The following ITGAE variants were observed in gnomAD, a reference collection of about 807,000 sequenced individuals.
The protein encoded by ITGAE is integrin alpha-E.
A neutral mutation model predicts 136.5 loss-of-function variants in ITGAE; 99 were observed. That is an observed-to-expected ratio of 0.73 (90% CI 0.62 to 0.86). The LOEUF (loss-of-function observed/expected upper bound fraction) is 0.86, where lower values mean the gene tolerates loss of function less well. ITGAE is among the 40% of genes least tolerant of loss of function. The pLI, the probability that ITGAE is intolerant of heterozygous loss-of-function variation, is 0.00. For missense variants in ITGAE, 1,447 were observed against 1,515.3 expected, an observed-to-expected ratio of 0.95 and a Z score of 0.75; for synonymous variants, 613 against 591.8, an observed-to-expected ratio of 1.04 and a Z score of -0.52.
intron 17 of ITGAE, among the ~76,000 whole-genome samples, chr17:3,746,167 T>C (rs1209525039): frequency 1.3e-5 from 2 of 152,216 alleles, no homozygotes; most frequent in Admixed American, 6.5e-5. Context: ...TTCCCAGGAC[T>C]GAGTCAGCCT....
chr17:3,799,702 C>A lies in ITGAE; in HGVS notation c.34+1409G>T, dbSNP rs1157048436. On this transcript the variant is annotated intron_variant, in intron 1 of 30. Coordinates refer to ENST00000263087, the MANE Select transcript of ITGAE (RefSeq NM_002208.5). The surrounding 1 kb of genome is among the most constrained non-coding windows in gnomAD (Gnocchi z 4.1). ...GGTAATGGGAGATCAAAGCCACAAG[C>A]CATAAAAAGAGTGAGACTCTCTCCA... Among the ~76,000 whole-genome samples the A allele has an allele frequency of 1.3e-5, 2 of 151,992 alleles. No individual in the cohort carries two copies. Among genetic ancestry groups the A allele is most frequent in the Non-Finnish European group, 2.9e-5 (2 of 67,998 alleles).
chr17:3,766,378 G>A (rs1164414382), intron 2 of ITGAE, among the ~76,000 whole-genome samples: 6 of 152,244 alleles, frequency 3.9e-5, no homozygotes, highest in East Asian at 1.9e-4. Flanking sequence ...GGAGGAGCCC[G>A]TCAGCCAAGG....
chr17:3,720,676 A>AAACGG (rs755010825), intron 28 of ITGAE: 8 of 250,742 alleles, frequency 3.2e-5, no homozygotes, highest in Non-Finnish European at 5.4e-5. Flanking sequence ...CCACCCCGTC[A>AAACGG]GGTTCAAGCG....
chr17:3,724,245 C>G, intron 26 of ITGAE: 1 of 1,592,770 alleles, frequency 6.3e-7, no homozygotes, highest in Non-Finnish European at 8.5e-7. Context: ...CTGGAAGCTG[C>G]GAGCTCGCCC....
chr17:3,777,008 T>G lies in ITGAE; in HGVS notation c.155+532A>C, dbSNP rs530336463. Among the ~76,000 whole-genome samples, 22 of 150,250 alleles carry G rather than the reference T, an allele frequency of 1.5e-4. No individual in the cohort carries two copies. The South Asian group carries it at 2.5e-3, about 17-fold the overall frequency. Reference sequence around the variant, plus strand: ...CGGAGTCTCGCTCTGTCGCCCAGGCTGGAGTGCAGTGGCGCCATCTCGGTT... The same window carrying G: ...CGGAGTCTCGCTCTGTCGCCCAGGCGGGAGTGCAGTGGCGCCATCTCGGTT... On this transcript the variant is annotated intron_variant, in intron 2 of 30. Coordinates refer to ENST00000263087, the MANE Select transcript of ITGAE (RefSeq NM_002208.5).
rs1240303686 is a variant in ITGAE at position 3,755,096 on chromosome 17, ATCAGG to A, written c.1384+16_1384+20del. The A allele has an allele frequency of 1.3e-6, 2 of 1,554,968 alleles. No individual in the cohort carries two copies. Among genetic ancestry groups the A allele is most frequent in the South Asian group, 2.3e-5 (2 of 86,502 alleles). ...GCCCTCATCAGGTGGCCCCGCCCTC[ATCAGG>A]TGGCCCCGCCCTCACCCAGGTAGCT... On this transcript the variant is annotated intron_variant, in intron 12 of 30. Coordinates refer to ENST00000263087, the MANE Select transcript of ITGAE (RefSeq NM_002208.5).
chr17:3,786,687 T>C (rs1567558272), intron 1 of ITGAE, among the ~76,000 whole-genome samples: 1 of 151,984 alleles, frequency 6.6e-6, no homozygotes, highest in Non-Finnish European at 1.5e-5. Context: ...GTCAAGAGAT[T>C]GAGACTATCC....
At chr17:3,780,813 G>A (rs755882011) in intron 1 of ITGAE, among the ~76,000 whole-genome samples, 1 of 152,014 alleles carries the variant, frequency 6.6e-6, no homozygotes, top group Admixed American at 6.6e-5. Context: ...CCATCCTCCC[G>A]CCTCAGCCTC....
intron 1 of ITGAE, among the ~76,000 whole-genome samples, chr17:3,797,157 ATTTTTTTTTTTTTTT>A (rs56101818): frequency 1.1e-4 from 10 of 94,436 alleles, no homozygotes; most frequent in Admixed American, 5.0e-4. Context: ...ATATATATAT[ATTTTTTTTTTTTTTT>A]TTTTTTTTTT....
At chr17:3,782,827 A>G (rs1394372876) in intron 1 of ITGAE, among the ~76,000 whole-genome samples, 4 of 152,200 alleles carry the variant, frequency 2.6e-5, no homozygotes, top group African/African-American at 9.7e-5. Flanking sequence ...CTCTAAATAC[A>G]CTGAGTAAAC....
intron 2 of ITGAE, among the ~76,000 whole-genome samples, chr17:3,765,409 G>A (rs1323453226): frequency 7.1e-6 from 1 of 140,622 alleles, no homozygotes; most frequent in Non-Finnish European, 1.5e-5. Flanking sequence ...ACAGACTAAA[G>A]AGCACAGGAA....
intron 26 of ITGAE, chr17:3,725,966 C>T (rs375316556): frequency 2.5e-6 from 4 of 1,613,696 alleles, no homozygotes; most frequent in African/African-American, 2.7e-5. Context: ...GCACTATCCC[C>T]AGCTGTGGGT....
At position 3,755,913 on chromosome 17, in the gene ITGAE, C is replaced by G; in HGVS notation, c.1172-16G>C. The G allele has an allele frequency of 6.3e-7, 1 of 1,585,972 alleles. No individual in the cohort carries two copies. The highest frequency in any genetic ancestry group is 8.6e-7 in the Non-Finnish European group (1 of 1,165,736). On this transcript the variant is annotated splice_polypyrimidine_tract_variant and intron_variant, in intron 10 of 30. Coordinates refer to ENST00000263087, the MANE Select transcript of ITGAE (RefSeq NM_002208.5). The stretch of plus-strand genomic sequence containing the variant: ...CCAACCGTGCCTGCAAGCCAAGAAG[C>G]CCAGTGAGACTGCTGTGGGCCGAGG...
At chr17:3,715,283 A>G (rs778553166) in intron 30 of ITGAE, among the ~76,000 whole-genome samples, 18 of 152,204 alleles carry the variant, frequency 1.2e-4, no homozygotes, top group Middle Eastern at 3.2e-3. Context: ...GATGCTGAAG[A>G]CAGAAGGAGA....
Position 3,753,824 on chromosome 17 carries a change from C to T in ITGAE, c.1486G>A (p.Gly496Ser), listed in dbSNP as rs746963200. The change falls in exon 13 of 31, where the codon GGC (glycine) becomes AGC (serine). Residue 496 changes from glycine to serine, a missense_variant. Around this residue, in one of 3 missense-constraint regions of ITGAE, gnomAD observed 1,031 missense variants for 1,011.4 expected, o/e 1.02. Transcript: ENST00000263087. ...HGAVFELQKE[G>S]REASFLPVLE... ...ACTGGCAGGAAGCTGGCCTCTCTGC[C>T]CTCCTTCTGGAGCTCAAACACGGCC... 3 of 1,614,094 alleles carry T rather than the reference C, an allele frequency of 1.9e-6. No individual in the cohort carries two copies. Among genetic ancestry groups the T allele is most frequent in the South Asian group, 1.1e-5 (1 of 91,092 alleles).
At chr17:3,781,372 T>G (rs1330782068) in intron 1 of ITGAE, among the ~76,000 whole-genome samples, 1 of 151,620 alleles carries the variant, frequency 6.6e-6, no homozygotes, top group Non-Finnish European at 1.5e-5. Flanking sequence ...TTTTTTGAGA[T>G]AAAGTCTCGC....
rs746282209 is a variant in ITGAE, at chr17:3,719,235, CA to C, written c.3333+1071del. Among the ~76,000 whole-genome samples, 419 of 66,226 alleles carry C rather than the reference CA, an allele frequency of 6.3e-3. 7 individuals are homozygous for C. Among genetic ancestry groups the C allele is most frequent in the African/African-American group, 0.019 (332 of 17,228 alleles). The allele number at this position is 66,226 out of a possible 152,430, so 43.4% of individuals were successfully genotyped here. On this transcript the variant is annotated intron_variant, in intron 29 of 30. Transcript: ENST00000263087. ...TGGGCGACACAGTGAGATTCTTCCT[CA>C]AAAAAAAAAAAAAAAAAAAAGAAAA... is the stretch of plus-strand genomic sequence containing the variant.
rs1033143612 is a variant in ITGAE, at chr17:3,742,262, G to A, written c.2448+1227C>T. Among the ~76,000 whole-genome samples, 5 of 152,148 alleles carry A rather than the reference G, an allele frequency of 3.3e-5. No homozygotes were observed. The East Asian group carries it at 5.8e-4, about 18-fold the overall frequency. ...GACTAAAGATAAATAACTGTAGAAC[G>A]CTATGAATGATCCTGGACCAGAACC... On this transcript the variant is annotated intron_variant, in intron 19 of 30. Transcript: ENST00000263087.
chr17:3,716,467 A>G (rs909227676), intron 30 of ITGAE, among the ~76,000 whole-genome samples: 1 of 152,184 alleles, frequency 6.6e-6, no homozygotes, highest in Admixed American at 6.5e-5. Flanking sequence ...TACCAAAGAA[A>G]TATATATAAA....
Sources: gnomAD v4.1 joint callset for allele counts (sites outside exome capture counted in the v4.1 genomes callset) on GRCh38, gnomAD v4.1.1 for gene constraint, gnomAD v4.1.1 regional missense constraint, Gnocchi (gnomAD v3.1) non-coding constraint, MANE v1.5 for transcripts, NCBI Gene and HGNC (gene_info 2026-07-23, HGNC 2026-07-21) for gene names.